NIN: variants seen among roughly 807,000 people sequenced by gnomAD.
The protein encoded by NIN is glycogen synthase kinase 3 beta-interacting protein.
Under a neutral mutation model 257.6 loss-of-function variants are expected in NIN, and 137 were observed. That is an observed-to-expected ratio of 0.53 (90% CI 0.46 to 0.61). The LOEUF is 0.61. Ranked by LOEUF, NIN falls within the 20% of genes least tolerant of loss-of-function variation. The pLI is 0.00. For synonymous variants in NIN, 918 were observed against 919.8 expected (o/e 1.00, Z 0.04); for missense variants, 2,439 against 2,501.2 (o/e 0.98, Z 0.53).
Position 50,772,294 on chromosome 14 carries a change from G to T in NIN, c.981+7C>A. 1 of 1,578,624 alleles carries T rather than the reference G, an allele frequency of 6.3e-7. No individual in the cohort carries two copies. The highest frequency in any genetic ancestry group is 8.7e-7 in the Non-Finnish European group (1 of 1,153,084). ...TTTGTCATTTTTCTCAATTTTAGCT[G>T]CCACACCTTCAGGATCTCCTGGCTG... is the stretch of plus-strand genomic sequence containing the variant. On this transcript the variant is annotated splice_region_variant and intron_variant, in intron 9 of 30. Transcript: ENST00000530997.
chr14:50,810,019 CAGG>C (rs1452645473), intron 3 of NIN, among the ~76,000 whole-genome samples: 1 of 152,056 alleles, frequency 6.6e-6, no homozygotes, highest in African/African-American at 2.4e-5. Flanking sequence ...ATCACGAGGT[CAGG>C]AGATCGAGAC....
intron 5 of NIN, among the ~76,000 whole-genome samples, chr14:50,783,246 G>A (rs1015196643): frequency 2.0e-5 from 3 of 151,778 alleles, no homozygotes; most frequent in African/African-American, 7.2e-5. Flanking sequence ...TGTAGAGATG[G>A]GGTTTTGCCA....
intron 14 of NIN, among the ~76,000 whole-genome samples, chr14:50,765,365 G>A (rs2042439562): frequency 6.6e-6 from 1 of 152,156 alleles, no homozygotes; most frequent in Non-Finnish European, 1.5e-5. Flanking sequence ...TTAGAACCAA[G>A]AGCTAAAATT....
In NIN at chr14:50,732,610, T is replaced by TTA. The variant is rs2040770897; in HGVS notation, c.5878-2888_5878-2887insTA. ...AATGGCAAATTCTATGTTAGGTATATATTTATCACAGGTTAAAAATTAATA... is the reference window on the plus strand; with the variant it reads ...AATGGCAAATTCTATGTTAGGTATATTAATTTATCACAGGTTAAAAATTAATA... On this transcript the variant is annotated intron_variant, in intron 28 of 30. Transcript: ENST00000530997. 3.3e-5 allele frequency among the ~76,000 whole-genome samples: 5 copies of TTA among 152,260 alleles called. No homozygotes were observed. In the South Asian group the frequency reaches 6.2e-4, roughly 19 times the overall value.
intron 27 of NIN, 150 bp from the exon 28 acceptor site, chr14:50,735,767 G>T: frequency 9.6e-7 from 1 of 1,037,580 alleles, no homozygotes; most frequent in Middle Eastern, 3.2e-4. Flanking sequence ...ATACAATTCA[G>T]TGTATTGCTT....
At position 50,754,582 on chromosome 14, in the gene NIN, A is replaced by G. The variant is rs375150897; in HGVS notation, c.4715T>C (p.Val1572Ala). 5 of 1,608,294 alleles carry G rather than the reference A, an allele frequency of 3.1e-6. No individual in the cohort carries two copies. In the African/African-American group the frequency reaches 6.7e-5, roughly 22 times the overall value. ...CCTTACCTGTTTCTTTAAATTTTCA[A>G]CCATCTTCTGAACTGCAGCATTTTC... ...KQENAAVQKM[V>A]ENLKKQISEL... Residue 1572 changes from valine to alanine, a missense_variant, in exon 20 of 31, where the codon GTT becomes GCT. Coordinates refer to ENST00000530997, the MANE Select transcript of NIN (RefSeq NM_020921.4).
Position 50,814,425 on chromosome 14 carries a change from G to A in NIN, c.183+7449C>T, listed in dbSNP as rs1359089332. Among the ~76,000 whole-genome samples the A allele has an allele frequency of 5.3e-5, 8 of 152,302 alleles. No individual in the cohort carries two copies. In the East Asian group the frequency reaches 1.3e-3, roughly 26 times the overall value. ...ACAGCAAGTTAACGGTGTCCTTGGTGCTATGATAAGCCTTTGATACACACA... is the reference window on the plus strand; with the variant it reads ...ACAGCAAGTTAACGGTGTCCTTGGTACTATGATAAGCCTTTGATACACACA... On this transcript the variant is annotated intron_variant, in intron 3 of 30. Coordinates refer to ENST00000530997, the MANE Select transcript of NIN (RefSeq NM_020921.4).
In NIN at chr14:50,772,392, C is replaced by T; in HGVS notation, c.890G>A (p.Cys297Tyr). 1 of 1,614,148 alleles carries T rather than the reference C, an allele frequency of 6.2e-7. No homozygotes were observed. Among genetic ancestry groups the T allele is most frequent in the Admixed American group, 1.7e-5 (1 of 60,022 alleles). Residue 297 changes from cysteine (C) to tyrosine (Y), a missense_variant, in exon 9 of 31, where the codon TGC (cysteine) becomes TAC (tyrosine). Transcript: ENST00000530997. ...TGCATGGCCCATCCCATCATCCAGG[C>T]AGGAGAAGACCCGAAAGCCAATGGT... ...TSTIGFRVFS[C>Y]LDDGMGHASV...
intron 28 of NIN, among the ~76,000 whole-genome samples, chr14:50,732,655 G>A (rs1403388709): frequency 3.3e-5 from 5 of 152,106 alleles, no homozygotes; most frequent in African/African-American, 1.2e-4. Context: ...CCATTGAATT[G>A]TACACCTGAA....
chr14:50,770,482 T>G lies in NIN; in HGVS notation c.1340A>C (p.Gln447Pro). 6.2e-7 allele frequency: 1 copy of G among 1,614,194 alleles called. No homozygotes were observed. The highest frequency in any genetic ancestry group is 8.5e-7 in the Non-Finnish European group (1 of 1,179,964). ...LRKEREQILQ[Q>P]AGKQRLELEQ... is the part of the protein sequence containing the mutation. ...AAGTTCTAAACGCTGCTTGCCTGCCTGCTGCAGGATCTGCTCTCTCTCTTT... is the reference window on the plus strand; with the variant it reads ...AAGTTCTAAACGCTGCTTGCCTGCCGGCTGCAGGATCTGCTCTCTCTCTTT... Residue 447 changes from glutamine (Q) to proline (P), a missense_variant, in exon 12 of 31, where the codon CAG becomes CCG. By Grantham distance (76) the Gln-to-Pro change is moderately conservative. Transcript: ENST00000530997.
Position 50,730,957 on chromosome 14 carries a change from T to G in NIN, c.5878-1234A>C, listed in dbSNP as rs536220131. ...CTATCTCAGGCAGAGAACTGCACCC[T>G]TCTCTGCTACTTCCAACCACTGAGT... On this transcript the variant is annotated intron_variant, in intron 28 of 30. Transcript: ENST00000530997. 1.2e-5 allele frequency: 16 copies of G among 1,348,234 alleles called. No homozygotes were observed. The African/African-American group carries it at 2.1e-4, about 17-fold the overall frequency. 83.5% of individuals were successfully genotyped at this position (1,348,234 alleles called of 1,614,324 possible). A position where few individuals can be genotyped will look rare whatever the true frequency, so the allele number is the denominator to read the frequency against.
At position 50,807,197 on chromosome 14, in the gene NIN, G is replaced by A. The variant is rs187235606; in HGVS notation, c.184-379C>T. 1.6e-3 allele frequency among the ~76,000 whole-genome samples: 238 copies of A among 152,268 alleles called. 2 individuals are homozygous for A. The highest frequency in any genetic ancestry group is 1.2e-3 in the Non-Finnish European group (79 of 68,010). On this transcript the variant is annotated intron_variant, in intron 3 of 30. Transcript: ENST00000530997. ...TCCCAAGCAAATGATCCAATGTAACGATGTCCCAAAGATGCTTTCGTATCT... is the reference window on the plus strand; with the variant it reads ...TCCCAAGCAAATGATCCAATGTAACAATGTCCCAAAGATGCTTTCGTATCT...
intron 13 of NIN, 88 bp downstream of exon 13, chr14:50,766,692 A>G (rs753599889): frequency 1.1e-6 from 1 of 896,922 alleles, no homozygotes; most frequent in Non-Finnish European, 1.8e-6. Context: ...TGCCTAATAA[A>G]AATGTTCTGG....
chr14:50,808,121 G>A lies in NIN; in HGVS notation c.184-1303C>T, dbSNP rs548855512. On this transcript the variant is annotated intron_variant, in intron 3 of 30. Transcript: ENST00000530997. ...CTACGTAATCTAAGGAGCCAGAGCAGAAGTCTGTCAAGGAAAACCAGGCAC... is the reference window on the plus strand; with the variant it reads ...CTACGTAATCTAAGGAGCCAGAGCAAAAGTCTGTCAAGGAAAACCAGGCAC... Among the ~76,000 whole-genome samples, 3 of 152,266 alleles carry A rather than the reference G, an allele frequency of 2.0e-5. No individual in the cohort carries two copies. In the South Asian group the frequency reaches 6.2e-4, roughly 32 times the overall value.
intron 10 of NIN, 147 bp downstream of exon 10, chr14:50,771,185 T>C (rs1242521335): frequency 1.7e-6 from 2 of 1,154,270 alleles, no homozygotes; most frequent in African/African-American, 1.5e-5. Flanking sequence ...AATTTTCCTA[T>C]ACTTTAAGGA....
chr14:50,756,713 G>T lies in NIN; in HGVS notation c.4317C>A (p.Gly1439=), dbSNP rs1012530024. ...VILEENTTLL[G]FQDKHFQHQA... ...GATGCTGAAAATGTTTGTCTTGAAA[G>T]CCTAGGAGAGTAGTGTTTTCCTCCA... is the stretch of plus-strand genomic sequence containing the variant. Residue 1439 remains glycine (G), a synonymous_variant, in exon 18 of 31, where the codon GGC becomes GGA. Coordinates refer to ENST00000530997, the MANE Select transcript of NIN (RefSeq NM_020921.4). 2 of 1,551,492 alleles carry T rather than the reference G, an allele frequency of 1.3e-6. No homozygotes were observed. Among genetic ancestry groups the T allele is most frequent in the Non-Finnish European group, 1.7e-6 (2 of 1,146,998 alleles).
At position 50,758,607 on chromosome 14, in the gene NIN, T is replaced by C; in HGVS notation, c.2423A>G (p.Asn808Ser). 1 of 1,572,844 alleles carries C rather than the reference T, an allele frequency of 6.4e-7. No homozygotes were observed. The highest frequency in any genetic ancestry group is 8.6e-7 in the Non-Finnish European group (1 of 1,161,240). ...GGCTTCTATTTGAGAGGTTCTTCTATTACACTCTGTTTCCATTTTTTCCCT... is the reference window on the plus strand; with the variant it reads ...GGCTTCTATTTGAGAGGTTCTTCTACTACACTCTGTTTCCATTTTTTCCCT... The part of the protein sequence containing the change: ...EGREKMETEC[N>S]RRTSQIEAQF... Residue 808 changes from asparagine to serine, a missense_variant, in exon 18 of 31, where the codon AAT becomes AGT. Around this residue, in one of 3 missense-constraint regions of NIN, gnomAD observed 2,043 missense variants for 2,050.2 expected, o/e 1.00. Transcript: ENST00000530997.
At chr14:50,746,420 C>T (rs1368602144) in intron 22 of NIN, among the ~76,000 whole-genome samples, 1 of 152,098 alleles carries the variant, frequency 6.6e-6, no homozygotes, top group South Asian at 2.1e-4. Flanking sequence ...TATAAAGCAC[C>T]TATTGAGTAC....
intron 7 of NIN, 65 bp downstream of exon 7, chr14:50,776,883 TC>T: frequency 7.0e-7 from 1 of 1,424,488 alleles, no homozygotes; most frequent in Non-Finnish European, 9.6e-7. Context: ...CTACAGCTGT[TC>T]CTAGCATGTG....
Sources: allele counts gnomAD v4.1 joint callset (sites outside exome capture counted in the v4.1 genomes callset), GRCh38; gene constraint gnomAD v4.1.1; regional missense constraint gnomAD v4.1.1; transcripts MANE v1.5; gene names NCBI Gene and HGNC (gene_info 2026-07-23, HGNC 2026-07-21).